Variants in PHLDB1 observed in about 807,000 individuals in gnomAD.
The protein encoded by PHLDB1 is pleckstrin homology-like domain family B member 1.
Under a neutral mutation model 139.3 loss-of-function variants are expected in PHLDB1, and 65 were observed. The observed-to-expected ratio is 0.47, with a 90% CI of 0.38 to 0.57. PHLDB1 has a LOEUF of 0.57. Among genes scored for constraint, PHLDB1 ranks in the 20% least tolerant of loss-of-function variants. PHLDB1 has a pLI of 0.00. For synonymous variants in PHLDB1, 679 were observed against 734.5 expected (o/e 0.92, Z 1.22); for missense variants, 1,624 against 1,839.7 (o/e 0.88, Z 2.14).
chr11:118,634,639 A>C, intron 9 of PHLDB1: 1 of 201,136 alleles, frequency 5.0e-6, no homozygotes. Context: ...TGCACCTCTG[A>C]CTGCCGTGTT....
intron 6 of PHLDB1, among the ~76,000 whole-genome samples, chr11:118,629,441 C>G: frequency 6.6e-6 from 1 of 152,152 alleles, no homozygotes; most frequent in East Asian, 1.9e-4. Context: ...GGGGCTCTGG[C>G]TGGTGTGTAC....
At chr11:118,621,736 G>C (rs184034964) in intron 4 of PHLDB1, among the ~76,000 whole-genome samples, 198 of 152,282 alleles carry the variant, frequency 1.3e-3, no homozygotes, top group Non-Finnish European at 2.4e-3. Context: ...GGGCTTGGGG[G>C]CACTTCTCAG....
chr11:118,619,756 G>A (rs1555092870), intron 4 of PHLDB1, among the ~76,000 whole-genome samples: 1 of 152,204 alleles, frequency 6.6e-6, no homozygotes, highest in African/African-American at 2.4e-5. Context: ...GTGCACATGT[G>A]AGCGTGTGCA....
chr11:118,642,511 G>A, intron 13 of PHLDB1, 117 bp downstream of exon 13: 1 of 1,192,690 alleles, frequency 8.4e-7, no homozygotes, highest in Non-Finnish European at 1.2e-6. Context: ...GCCCAGTCAG[G>A]GCAATGAGGG....
At position 118,627,814 on chromosome 11, in the gene PHLDB1, C is replaced by A; in HGVS notation, c.991C>A (p.Leu331Met). 1 of 1,604,966 alleles carries A rather than the reference C, an allele frequency of 6.2e-7. No homozygotes were observed. Residue 331 changes from leucine (L) to methionine (M), a missense_variant, in exon 6 of 23, where the codon CTG (leucine) becomes ATG (methionine). Transcript: ENST00000600882. Reference sequence around the variant, plus strand: ...TCCCAGCCCTGGCCTCCGGGGTCTGCTGACAGACAGCCCTGCAGCTACTGT... The same window carrying A: ...TCCCAGCCCTGGCCTCCGGGGTCTGATGACAGACAGCCCTGCAGCTACTGT... ...RPPSPGLRGL[L>M]TDSPAATVLA...
At chr11:118,655,553 G>A in intron 20 of PHLDB1, 52 bp from the exon 21 acceptor site, 1 of 1,152,038 alleles carries the variant, frequency 8.7e-7, no homozygotes, top group Non-Finnish European at 1.3e-6. Flanking sequence ...CGTAAATGGA[G>A]CTAGACCTGA....
At chr11:118,635,350 C>T in intron 9 of PHLDB1, 43 bp from the exon 10 acceptor site, 1 of 1,528,388 alleles carries the variant, frequency 6.5e-7, no homozygotes, top group Non-Finnish European at 8.8e-7. Context: ...CCCAGAGTGG[C>T]ATTGCAAGCA....
At chr11:118,639,335 T>A in intron 12 of PHLDB1, 84 bp downstream of exon 12, 2 of 942,424 alleles carry the variant, frequency 2.1e-6, no homozygotes, top group Non-Finnish European at 3.5e-6. Flanking sequence ...TTCACCCCAG[T>A]AGCTGAGGTT....
chr11:118,619,760 G>A (rs1365607625), intron 4 of PHLDB1, among the ~76,000 whole-genome samples: 1 of 152,198 alleles, frequency 6.6e-6, no homozygotes, highest in East Asian at 1.9e-4. Context: ...ACATGTGAGC[G>A]TGTGCATGTG....
rs531445788 is a variant in PHLDB1 at position 118,635,793 on chromosome 11, G to A, written c.2535+245G>A. Reference sequence around the variant, plus strand: ...TCTGACTCCCCTCAGTCTTCCAGTGGAAAGTGGATTCTGCTCCCATTCAGA... The same window carrying A: ...TCTGACTCCCCTCAGTCTTCCAGTGAAAAGTGGATTCTGCTCCCATTCAGA... On this transcript the variant is annotated intron_variant, in intron 10 of 22. Transcript: ENST00000600882. 1.7e-3 allele frequency among the ~76,000 whole-genome samples: 258 copies of A among 152,358 alleles called. 1 individual carries two copies. The highest frequency in any genetic ancestry group is 4.9e-3 in the African/African-American group (205 of 41,582).
Position 118,632,391 on chromosome 11 carries a change from C to A in PHLDB1, c.2379+95C>A. ...TGGGGCCCTGTACCCTTCACCTCAT[C>A]ATCCATTCTGCAGTACAAGTGGTCT... On this transcript the variant is annotated intron_variant, in intron 9 of 22. Transcript: ENST00000600882. The surrounding 1 kb of genome is among the most constrained non-coding windows in gnomAD (Gnocchi z 5.9). 7.9e-7 allele frequency: 1 copy of A among 1,261,770 alleles called. No individual in the cohort carries two copies. The highest frequency in any genetic ancestry group is 1.5e-5 in the African/African-American group (1 of 67,888). 78.2% of individuals were successfully genotyped at this position (1,261,770 alleles called of 1,614,324 possible). A position where few individuals can be genotyped will look rare whatever the true frequency, so the allele number is the denominator to read the frequency against.
At chr11:118,647,720 G>A (rs1190296611) in intron 17 of PHLDB1, 14 of 509,354 alleles carry the variant, frequency 2.7e-5, no homozygotes, top group Non-Finnish European at 3.5e-5. Flanking sequence ...TAGTGGTAGC[G>A]GGGCCAGGGT....
Position 118,632,177 on chromosome 11 carries a change from C to T in PHLDB1, c.2260C>T (p.Leu754=), listed in dbSNP as rs782450560. 1.2e-6 allele frequency: 2 copies of T among 1,614,050 alleles called. No homozygotes were observed. Among genetic ancestry groups the T allele is most frequent in the Non-Finnish European group, 1.7e-6 (2 of 1,179,974 alleles). Residue 754 remains leucine (L), a synonymous_variant, in exon 9 of 23, where the codon CTG becomes TTG. Transcript: ENST00000600882. The surrounding 1 kb of genome is among the most constrained non-coding windows in gnomAD (Gnocchi z 5.9). ...SAREAEMERA[L]LQGEREAERA... Reference sequence around the variant, plus strand: ...CCCCCAGGCCGAAATGGAGCGGGCACTGCTGCAGGGAGAGAGGGAGGCAGA... The same window carrying T: ...CCCCCAGGCCGAAATGGAGCGGGCATTGCTGCAGGGAGAGAGGGAGGCAGA...
rs1016462512 is a variant in PHLDB1 at position 118,608,024 on chromosome 11, C to A, written c.-22+325C>A. On this transcript the variant is annotated intron_variant, in intron 1 of 22. Coordinates refer to ENST00000600882, the MANE Select transcript of PHLDB1 (RefSeq NM_001144758.3). This position sits in a 1 kb window ranked among gnomAD's most constrained non-coding sequence, Gnocchi z 6.7. ...CCAGACTCTCCCGCCGGCACCCAGG[C>A]GGCCGGGCGGACACTCGCGGGGTAT... is the stretch of plus-strand genomic sequence containing the variant. Among the ~76,000 whole-genome samples the A allele has an allele frequency of 6.6e-6, 1 of 152,082 alleles. No homozygotes were observed. Among genetic ancestry groups the A allele is most frequent in the Non-Finnish European group, 1.5e-5 (1 of 67,988 alleles).
chr11:118,639,976 C>T, intron 12 of PHLDB1: 1 of 986,160 alleles, frequency 1.0e-6, no homozygotes, highest in Non-Finnish European at 1.2e-6. Context: ...CCACCTGCTT[C>T]CACTCTTCTC....
rs1555081088 is a variant in PHLDB1 at position 118,608,830 on chromosome 11, G to A, written c.-22+1131G>A. 6.6e-6 allele frequency among the ~76,000 whole-genome samples: 1 copy of A among 151,860 alleles called. No individual in the cohort carries two copies. Among genetic ancestry groups the A allele is most frequent in the Admixed American group, 6.6e-5 (1 of 15,244 alleles). On this transcript the variant is annotated intron_variant, in intron 1 of 22. Transcript: ENST00000600882. The surrounding 1 kb of genome is among the most constrained non-coding windows in gnomAD (Gnocchi z 6.7). ...TACGCCTCACAGGAAAGCGCCCCGC[G>A]CTCACGCAGCCCCTCACACCCGCAG...
At position 118,645,618 on chromosome 11, in the gene PHLDB1, C is replaced by A; in HGVS notation, c.3384C>A (p.Gly1128=). The change falls in exon 16 of 23, where the codon GGC becomes GGA. Residue 1128 remains glycine, a synonymous_variant. Coordinates refer to ENST00000600882, the MANE Select transcript of PHLDB1 (RefSeq NM_001144758.3). The surrounding 1 kb of genome is among the most constrained non-coding windows in gnomAD (Gnocchi z 5.1). ...TGGAGACCAGCATCTCCACCGGGGG[C>A]AACTCGGCCTGCTCCCCTGACAACA... ...DSMETSISTG[G]NSACSPDNMS... The A allele has an allele frequency of 6.2e-7, 1 of 1,613,056 alleles. No individual in the cohort carries two copies. The highest frequency in any genetic ancestry group is 8.5e-7 in the Non-Finnish European group (1 of 1,179,222).
chr11:118,616,643 A>G (rs1242724682), intron 4 of PHLDB1, among the ~76,000 whole-genome samples: 2 of 152,230 alleles, frequency 1.3e-5, no homozygotes, highest in Non-Finnish European at 2.9e-5. Context: ...GGGCAAGGGT[A>G]AATCTCAGGA....
rs1555080936 is a variant in PHLDB1, at chr11:118,608,642, C to T, written c.-22+943C>T. Among the ~76,000 whole-genome samples, 1 of 152,154 alleles carries T rather than the reference C, an allele frequency of 6.6e-6. No homozygotes were observed. ...GACTCATCGGGCGGCGGGCTCACCC[C>T]CCAGCCGTCAAACGCAAACGCAGGC... On this transcript the variant is annotated intron_variant, in intron 1 of 22. Transcript: ENST00000600882. The surrounding 1 kb of genome is among the most constrained non-coding windows in gnomAD (Gnocchi z 6.7).
Sources: gnomAD v4.1 joint callset for allele counts (sites outside exome capture counted in the v4.1 genomes callset) on GRCh38, gnomAD v4.1.1 for gene constraint, Gnocchi (gnomAD v3.1) non-coding constraint, MANE v1.5 for transcripts, NCBI Gene and HGNC (gene_info 2026-07-23, HGNC 2026-07-21) for gene names.